The following SLC6A2 variants were observed in gnomAD, a reference collection of about 807,000 sequenced individuals.
SLC6A2 encodes the protein sodium-dependent noradrenaline transporter.
SLC6A2 carries 26 observed loss-of-function variants against 71.7 expected under a neutral mutation model. The ratio of observed to expected loss-of-function variants is 0.36; its 90% confidence interval spans 0.27 to 0.50. The LOEUF is 0.50. Ranked by LOEUF, SLC6A2 falls within the 20% of genes least tolerant of loss-of-function variation. The probability of loss-of-function intolerance (pLI) is 0.96; values close to 1 mark genes in which losing one functional copy is unlikely to be tolerated. For synonymous variants in SLC6A2, 363 were observed against 337.9 expected, an observed-to-expected ratio of 1.07 and a Z score of -0.82; for missense variants, 581 against 803.9, an observed-to-expected ratio of 0.72 and a Z score of 3.35.
chr16:55,681,818 A>G (rs115859536), intron 4 of SLC6A2, among the ~76,000 whole-genome samples: 1,934 of 152,342 alleles, frequency 0.013, 51 homozygotes, highest in African/African-American at 0.043. Context: ...CAATGTTGCC[A>G]TTAATGTGTG....
chr16:55,696,260 A>G lies in SLC6A2; in HGVS notation c.1183A>G (p.Ile395Val). The G allele has an allele frequency of 3.7e-6, 6 of 1,613,672 alleles. No homozygotes were observed. Among genetic ancestry groups the G allele is most frequent in the South Asian group, 1.1e-5 (1 of 91,062 alleles). Residue 395 changes from isoleucine (I) to valine (V), a missense_variant, in exon 9 of 15, where the codon ATT (isoleucine) becomes GTT (valine). Coordinates refer to ENST00000568943, the MANE Select transcript of SLC6A2 (RefSeq NM_001172501.3). ...GLVFILYPEA[I>V]STLSGSTFWA... ...AGTGTTCATCCTGTATCCAGAGGCC[A>G]TTTCTACCCTGTCTGGATCTACATT...
At chr16:55,691,268 A>ATT (rs1417599352) in intron 5 of SLC6A2, among the ~76,000 whole-genome samples, 13 of 141,244 alleles carry the variant, frequency 9.2e-5, no homozygotes, top group African/African-American at 2.9e-4. Context: ...AGAGAGAGAG[A>ATT]GAGAGAGAGA....
intron 14 of SLC6A2, 61 bp from the exon 15 acceptor site, chr16:55,702,262 C>G (rs777044365): frequency 7.1e-6 from 11 of 1,541,384 alleles, no homozygotes; most frequent in Non-Finnish European, 8.1e-6. Flanking sequence ...CCCCCGCCAG[C>G]TGGCCCTTGC....
At chr16:55,675,671 G>T (rs750881418) in intron 4 of SLC6A2, among the ~76,000 whole-genome samples, 1 of 152,134 alleles carries the variant, frequency 6.6e-6, no homozygotes. Context: ...GTTGAAATGT[G>T]GCTAGTGTGA....
chr16:55,658,879 T>G (rs1964532407), intron 2 of SLC6A2, among the ~76,000 whole-genome samples: 1 of 152,172 alleles, frequency 6.6e-6, no homozygotes, highest in African/African-American at 2.4e-5. Flanking sequence ...GGTGAAACTT[T>G]CCCACCTTTG....
At chr16:55,681,299 C>T (rs1263746408) in intron 4 of SLC6A2, among the ~76,000 whole-genome samples, 1 of 152,226 alleles carries the variant, frequency 6.6e-6, no homozygotes, top group Non-Finnish European at 1.5e-5. Context: ...ACACGCACTA[C>T]TGTCCCCTTG....
intron 7 of SLC6A2, 121 bp from the exon 8 acceptor site, chr16:55,695,157 A>G (rs529633019): frequency 7.5e-5 from 87 of 1,154,502 alleles, no homozygotes; most frequent in East Asian, 2.3e-5. Flanking sequence ...AGCAGGAGCC[A>G]CTGAAGGGGG....
At chr16:55,683,642 C>T (rs1433856024) in intron 4 of SLC6A2, among the ~76,000 whole-genome samples, 1 of 151,548 alleles carries the variant, frequency 6.6e-6, no homozygotes, top group African/African-American at 2.4e-5. Context: ...ACAAACGAAA[C>T]AAAACAAAAC....
Position 55,672,054 on chromosome 16 carries a change from G to T in SLC6A2, c.523G>T (p.Asp175Tyr). ...SSFTLNLPWT[D>Y]CGHTWNSPNC... Reference sequence around the variant, plus strand: ...CTTCACCCTCAACCTGCCCTGGACCGACTGTGGCCACACCTGGAACAGCCC... The same window carrying T: ...CTTCACCCTCAACCTGCCCTGGACCTACTGTGGCCACACCTGGAACAGCCC... Residue 175 changes from aspartate (D) to tyrosine (Y), a missense_variant, in exon 4 of 15, where the codon GAC becomes TAC. Physicochemically the swap from Asp to Tyr is radical, Grantham distance 160. Transcript: ENST00000568943. The T allele has an allele frequency of 6.2e-7, 1 of 1,614,128 alleles. No individual in the cohort carries two copies.
At chr16:55,658,707 C>T (rs1359828841) in intron 2 of SLC6A2, among the ~76,000 whole-genome samples, 3 of 152,168 alleles carry the variant, frequency 2.0e-5, no homozygotes, top group African/African-American at 7.2e-5. Context: ...ACTCTGAGAC[C>T]AGATAGCTGG....
intron 4 of SLC6A2, among the ~76,000 whole-genome samples, chr16:55,682,050 G>C (rs1448413387): frequency 6.6e-6 from 1 of 152,136 alleles, no homozygotes; most frequent in African/African-American, 2.4e-5. Context: ...GGGATTACAG[G>C]CATGCACTAC....
intron 2 of SLC6A2, among the ~76,000 whole-genome samples, chr16:55,660,573 G>T (rs1463570483): frequency 6.6e-6 from 1 of 152,200 alleles, no homozygotes; most frequent in Non-Finnish European, 1.5e-5. Flanking sequence ...GGTCAGGAAG[G>T]TGGGTCTTTG....
chr16:55,700,391 G>A, intron 13 of SLC6A2, 85 bp downstream of exon 13: 1 of 1,243,390 alleles, frequency 8.0e-7, no homozygotes, highest in South Asian at 1.4e-5. Flanking sequence ...TTGGGGTGGG[G>A]GAAGGGACAG....
chr16:55,682,171 T>G (rs1965294090), intron 4 of SLC6A2, among the ~76,000 whole-genome samples: 1 of 152,188 alleles, frequency 6.6e-6, no homozygotes, highest in African/African-American at 2.4e-5. Context: ...CCTCCCAAAG[T>G]GCTGGAATTA....
intron 4 of SLC6A2, among the ~76,000 whole-genome samples, chr16:55,683,307 T>C (rs1965337944): frequency 5.3e-5 from 8 of 152,136 alleles, no homozygotes. Context: ...GGATTGTTTG[T>C]TTTTCTTACT....
chr16:55,665,817 T>C (rs1964734178), intron 2 of SLC6A2, among the ~76,000 whole-genome samples: 1 of 152,240 alleles, frequency 6.6e-6, no homozygotes, highest in African/African-American at 2.4e-5. Context: ...AGAGCCCTTC[T>C]GTACCCAGAA....
intron 3 of SLC6A2, among the ~76,000 whole-genome samples, chr16:55,671,299 G>A (rs1439511593): frequency 2.0e-5 from 3 of 152,174 alleles, no homozygotes; most frequent in Admixed American, 6.5e-5. Context: ...CCCAGGGGGC[G>A]AGGGAGCTGG....
intron 5 of SLC6A2, among the ~76,000 whole-genome samples, chr16:55,688,354 G>T (rs1567449012): frequency 6.6e-6 from 1 of 152,178 alleles, no homozygotes; most frequent in Admixed American, 6.5e-5. Flanking sequence ...ATAATGAACA[G>T]CATCATTCAC....
intron 9 of SLC6A2, among the ~76,000 whole-genome samples, chr16:55,696,972 C>A (rs1965819812): frequency 1.3e-5 from 2 of 151,828 alleles, no homozygotes; most frequent in Admixed American, 1.3e-4. Flanking sequence ...TAGAGTGAGA[C>A]CTGGTTTCTA....
Sources: gnomAD v4.1 joint callset for allele counts (sites outside exome capture counted in the v4.1 genomes callset) on GRCh38, gnomAD v4.1.1 for gene constraint, MANE v1.5 for transcripts, NCBI Gene and HGNC (gene_info 2026-07-23, HGNC 2026-07-21) for gene names.